Variants in WWOX observed in about 807,000 individuals in gnomAD.
WWOX encodes the protein WW domain-containing oxidoreductase.
In WWOX, 69 loss-of-function variants were observed where a neutral mutation model predicts 46.2. The observed-to-expected ratio is 1.49, with a 90% CI of 1.23 to 1.82. The LOEUF (loss-of-function observed/expected upper bound fraction) is 1.82. WWOX is among the 40% of genes most tolerant of loss of function. The probability of loss-of-function intolerance (pLI) is 0.00; values close to 1 mark genes in which losing one functional copy is unlikely to be tolerated. For missense variants in WWOX, 919 were observed against 542.6 expected, an observed-to-expected ratio of 1.69 and a Z score of -6.89; for synonymous variants, 359 against 202.6, an observed-to-expected ratio of 1.77 and a Z score of -6.56.
intron 8 of WWOX, among the ~76,000 whole-genome samples, chr16:78,498,347 G>A (rs2084971248): frequency 6.6e-6 from 1 of 152,148 alleles, no homozygotes; most frequent in African/African-American, 2.4e-5. Context: ...ATGGGGCTCA[G>A]GCCAGTGATT....
chr16:78,900,708 G>A (rs750662756), intron 8 of WWOX, among the ~76,000 whole-genome samples: 2 of 152,002 alleles, frequency 1.3e-5, no homozygotes, highest in Non-Finnish European at 2.9e-5. Context: ...TTTTCATTTT[G>A]AATCAATGGA....
intron 5 of WWOX, among the ~76,000 whole-genome samples, chr16:78,249,680 T>G (rs2037927345): frequency 6.6e-6 from 1 of 152,308 alleles, no homozygotes; most frequent in African/African-American, 2.4e-5. Context: ...TGTATAAACT[T>G]AGGTGGACCA....
intron 8 of WWOX, among the ~76,000 whole-genome samples, chr16:78,434,365 C>A (rs1294036946): frequency 6.6e-6 from 1 of 152,144 alleles, no homozygotes; most frequent in African/African-American, 2.4e-5. Flanking sequence ...TCACTTTGCT[C>A]CCGATGACTG....
chr16:78,593,025 A>G (rs1241661059), intron 8 of WWOX, among the ~76,000 whole-genome samples: 2 of 152,172 alleles, frequency 1.3e-5, no homozygotes, highest in Non-Finnish European at 2.9e-5. Context: ...TGGAAAGTAC[A>G]GCCTTCAGTC....
chr16:79,210,119 T>G (rs78710990), intron 8 of WWOX, among the ~76,000 whole-genome samples: 2,488 of 152,306 alleles, frequency 0.016, 25 homozygotes, highest in Middle Eastern at 0.075. Context: ...CCCAAGTCTT[T>G]GTCTCACTCA....
intron 5 of WWOX, among the ~76,000 whole-genome samples, chr16:78,327,869 ATTTTTTT>A (rs762650030): frequency 3.0e-4 from 24 of 81,078 alleles, no homozygotes; most frequent in South Asian, 5.8e-4. Context: ...ATGAGTCCTG[ATTTTTTT>A]TTTTTTTTTT....
intron 8 of WWOX, among the ~76,000 whole-genome samples, chr16:78,732,668 C>A (rs2048996145): frequency 6.6e-6 from 1 of 152,204 alleles, no homozygotes; most frequent in South Asian, 2.1e-4. Flanking sequence ...AACTAACCAC[C>A]TAGATAGGTG....
chr16:78,513,956 C>T (rs2085427197), intron 8 of WWOX, among the ~76,000 whole-genome samples: 6 of 143,766 alleles, frequency 4.2e-5, no homozygotes, highest in Admixed American at 4.2e-4. Flanking sequence ...CATTGGGAAA[C>T]TCTTCCCTTG....
chr16:78,827,681 A>T (rs914249629), intron 8 of WWOX, among the ~76,000 whole-genome samples: 7 of 151,830 alleles, frequency 4.6e-5, no homozygotes, highest in Non-Finnish European at 7.4e-5. Flanking sequence ...AAAAATAAAA[A>T]AAAAAAAAAA....
At chr16:79,138,037 G>C (rs1285249341) in intron 8 of WWOX, among the ~76,000 whole-genome samples, 1 of 152,156 alleles carries the variant, frequency 6.6e-6, no homozygotes, top group Non-Finnish European at 1.5e-5. Flanking sequence ...TGTTTCCATG[G>C]ACCCTGTGGG....
At chr16:78,707,898 C>G (rs1459354303) in intron 8 of WWOX, among the ~76,000 whole-genome samples, 1 of 151,828 alleles carries the variant, frequency 6.6e-6, no homozygotes, top group East Asian at 1.9e-4. Context: ...AAGTATCTGT[C>G]CCCAAGTCAC....
At chr16:78,656,752 C>G (rs1445095550) in intron 8 of WWOX, among the ~76,000 whole-genome samples, 2 of 152,194 alleles carry the variant, frequency 1.3e-5, no homozygotes, top group Non-Finnish European at 2.9e-5. Context: ...CTTCCTGGCT[C>G]TCCTTACAAG....
chr16:78,155,537 G>A (rs942729720), intron 4 of WWOX, among the ~76,000 whole-genome samples: 1 of 152,212 alleles, frequency 6.6e-6, no homozygotes, highest in South Asian at 2.1e-4. Flanking sequence ...TGCATCTGAT[G>A]TAACAAGTGC....
intron 8 of WWOX, among the ~76,000 whole-genome samples, chr16:78,781,228 T>A (rs1374136537): frequency 6.6e-6 from 1 of 152,178 alleles, no homozygotes; most frequent in Non-Finnish European, 1.5e-5. Context: ...TGGGTGGGAA[T>A]TCTTTAATGT....
chr16:79,154,489 A>T (rs2050341803), intron 8 of WWOX, among the ~76,000 whole-genome samples: 1 of 150,214 alleles, frequency 6.7e-6, no homozygotes, highest in African/African-American at 2.5e-5. Context: ...ATAATTTTTT[A>T]AAATCCTCTT....
At chr16:78,402,944 C>G (rs2082447142) in intron 6 of WWOX, among the ~76,000 whole-genome samples, 1 of 152,160 alleles carries the variant, frequency 6.6e-6, no homozygotes, top group Non-Finnish European at 1.5e-5. Context: ...GGTTGTATTT[C>G]TTCATTAGCT....
intron 8 of WWOX, among the ~76,000 whole-genome samples, chr16:78,889,432 G>A (rs952531772): frequency 2.1e-5 from 3 of 144,026 alleles, no homozygotes; most frequent in African/African-American, 7.8e-5. Flanking sequence ...GCAATGAAAC[G>A]CGAGCCGACT....
intron 6 of WWOX, among the ~76,000 whole-genome samples, chr16:78,413,129 A>G (rs912702915): frequency 2.0e-5 from 3 of 152,200 alleles, no homozygotes; most frequent in African/African-American, 7.2e-5. Context: ...AAATAGAGAA[A>G]GAATTTAATC....
chr16:78,389,080 C>T (rs191823384), intron 6 of WWOX, among the ~76,000 whole-genome samples: 2 of 152,268 alleles, frequency 1.3e-5, no homozygotes, highest in Non-Finnish European at 2.9e-5. Context: ...ATCGCCTAAG[C>T]GCAGACCCCA....
Sources: gnomAD v4.1 joint callset for allele counts (sites outside exome capture counted in the v4.1 genomes callset) on GRCh38, gnomAD v4.1.1 for gene constraint, MANE v1.5 for transcripts, NCBI Gene and HGNC (gene_info 2026-07-23, HGNC 2026-07-21) for gene names.